The following TMPRSS2 variants were observed in gnomAD, a reference collection of about 807,000 sequenced individuals.
The protein encoded by TMPRSS2 is transmembrane protease serine 2.
A neutral mutation model predicts 67.4 loss-of-function variants in TMPRSS2; 59 were observed. The ratio of observed to expected loss-of-function variants is 0.88; its 90% CI spans 0.71 to 1.09. The LOEUF (loss-of-function observed/expected upper bound fraction) is 1.09. Ranked by LOEUF, TMPRSS2 falls within the 50% of genes least tolerant of loss-of-function variation. The pLI, the probability that TMPRSS2 is intolerant of heterozygous loss-of-function variation, is 0.00. For synonymous variants in TMPRSS2, 257 were observed against 257.0 expected, an observed-to-expected ratio of 1.00 and a Z score of 0.00; for missense variants, 668 against 642.7, an observed-to-expected ratio of 1.04 and a Z score of -0.43.
chr21:41,467,898 A>G lies in TMPRSS2; in HGVS notation c.1315-12T>C. The G allele has an allele frequency of 3.1e-6, 5 of 1,614,118 alleles. No individual in the cohort carries two copies. The highest frequency in any genetic ancestry group is 4.2e-6 in the Non-Finnish European group (5 of 1,179,976). On this transcript the variant is annotated splice_polypyrimidine_tract_variant and intron_variant, in intron 12 of 13. Transcript: ENST00000332149. ...CCTCCACTGTCACCCTGTGGGACAC[A>G]GCAAGGTACAGAGAGCAGAAAATCA...
At chr21:41,480,090 A>G (rs1021647994) in intron 6 of TMPRSS2, among the ~76,000 whole-genome samples, 2 of 151,944 alleles carry the variant, frequency 1.3e-5, no homozygotes, top group African/African-American at 4.8e-5. Context: ...CCCCAGCCCA[A>G]CCCTCCTCGC....
intron 5 of TMPRSS2, chr21:41,486,738 G>A (rs1255138939): frequency 6.6e-6 from 1 of 152,162 alleles, no homozygotes; most frequent in East Asian, 1.9e-4. Flanking sequence ...CTCATACTCA[G>A]GATCGTTTCC....
chr21:41,493,515 G>A (rs2091355061), intron 3 of TMPRSS2, among the ~76,000 whole-genome samples: 1 of 152,314 alleles, frequency 6.6e-6, no homozygotes, highest in Middle Eastern at 3.4e-3. Flanking sequence ...ACATTCTGAC[G>A]AATCTCTAAC....
At chr21:41,476,299 C>G (rs1569014903) in intron 8 of TMPRSS2, among the ~76,000 whole-genome samples, 2 of 152,182 alleles carry the variant, frequency 1.3e-5, no homozygotes, top group Non-Finnish European at 2.9e-5. Context: ...TGCCGGGCCT[C>G]CAGCTCATGG....
chr21:41,467,036 G>A (rs957578055), intron 13 of TMPRSS2, among the ~76,000 whole-genome samples: 11 of 152,098 alleles, frequency 7.2e-5, no homozygotes, highest in African/African-American at 4.8e-5. Flanking sequence ...GGAGCCACTC[G>A]ATGGCCCCAG....
chr21:41,501,972 G>C (rs2091427472), intron 1 of TMPRSS2, among the ~76,000 whole-genome samples: 1 of 152,222 alleles, frequency 6.6e-6, no homozygotes, highest in Admixed American at 6.5e-5. Flanking sequence ...AAGTGTGAAA[G>C]AGCAACAGTG....
At chr21:41,470,438 T>A (rs1219431503) in intron 11 of TMPRSS2, among the ~76,000 whole-genome samples, 1 of 152,202 alleles carries the variant, frequency 6.6e-6, no homozygotes, top group Non-Finnish European at 1.5e-5. Flanking sequence ...CTCTGTGTGA[T>A]CACGATAAGA....
intron 13 of TMPRSS2, among the ~76,000 whole-genome samples, chr21:41,466,652 A>G (rs1177885561): frequency 6.6e-6 from 1 of 152,188 alleles, no homozygotes; most frequent in Non-Finnish European, 1.5e-5. Context: ...GGTCATGGGA[A>G]GGCCCTGAGT....
At chr21:41,495,921 A>AG (rs1006782952) in intron 2 of TMPRSS2, among the ~76,000 whole-genome samples, 1 of 152,166 alleles carries the variant, frequency 6.6e-6, no homozygotes, top group African/African-American at 2.4e-5. Flanking sequence ...AAATTAAAAA[A>AG]AAAAAAAAGT....
At chr21:41,476,820 C>T (rs113506821) in intron 7 of TMPRSS2, among the ~76,000 whole-genome samples, 200 bp from the exon 8 acceptor site, 6,730 of 152,254 alleles carry the variant, frequency 0.044, 198 homozygotes, top group Non-Finnish European at 0.061. Context: ...CCAAGGTACG[C>T]GGCTCACATC....
At chr21:41,501,651 A>G (rs918011229) in intron 1 of TMPRSS2, among the ~76,000 whole-genome samples, 1 of 149,902 alleles carries the variant, frequency 6.7e-6, no homozygotes, top group Non-Finnish European at 1.5e-5. Context: ...CAACAACAAC[A>G]TTCTCCAATT....
intron 1 of TMPRSS2, among the ~76,000 whole-genome samples, chr21:41,505,861 A>T (rs897618929): frequency 3.3e-5 from 5 of 152,256 alleles, no homozygotes; most frequent in African/African-American, 1.2e-4. Context: ...TGTGTCTCCA[A>T]CTCAGAGCCC....
Position 41,476,169 on chromosome 21 carries a change from G to A in TMPRSS2, c.727+408C>T, listed in dbSNP as rs80027429. On this transcript the variant is annotated intron_variant, in intron 8 of 13. Transcript: ENST00000332149. ...CTCCTCCCGGGTCCCACTGGCTGAT[G>A]AGCACCTGGTGGCCACACGGTGGTG... 4.2e-3 allele frequency among the ~76,000 whole-genome samples: 644 copies of A among 152,310 alleles called. 4 individuals are homozygous for A. The highest frequency in any genetic ancestry group is 0.014 in the Middle Eastern group (4 of 294).
chr21:41,494,250 G>T, intron 3 of TMPRSS2, 106 bp downstream of exon 3: 2 of 1,202,746 alleles, frequency 1.7e-6, no homozygotes, highest in South Asian at 1.3e-5. Context: ...AGAAGGGTCA[G>T]ACCAGGAGAG....
chr21:41,467,967 G>C, intron 12 of TMPRSS2, 81 bp from the exon 13 acceptor site: 1 of 1,523,158 alleles, frequency 6.6e-7, no homozygotes, highest in Non-Finnish European at 9.0e-7. Flanking sequence ...TAGAGGAGTT[G>C]GGGGGCGGGG....
chr21:41,505,421 CTCGGATGA>C (rs2091451150), intron 1 of TMPRSS2, among the ~76,000 whole-genome samples: 1 of 152,208 alleles, frequency 6.6e-6, no homozygotes, highest in African/African-American at 2.4e-5. Flanking sequence ...GGACAACACA[CTCGGATGA>C]TGATGATCGT....
intron 5 of TMPRSS2, chr21:41,487,148 C>G (rs931558866): frequency 6.6e-6 from 1 of 152,292 alleles, no homozygotes; most frequent in Non-Finnish European, 1.5e-5. Flanking sequence ...AAGAGTCCAT[C>G]AGTGAATGAA....
At chr21:41,489,619 T>A (rs2146469755) in intron 3 of TMPRSS2, 26 bp from the exon 4 acceptor site, 1 of 1,553,702 alleles carries the variant, frequency 6.4e-7, no homozygotes, top group Middle Eastern at 1.7e-4. Context: ...GAGTGCAACG[T>A]TCAGACCAGA....
intron 1 of TMPRSS2, chr21:41,502,335 G>T (rs2091429958): frequency 1.6e-5 from 16 of 973,746 alleles, no homozygotes; most frequent in Non-Finnish European, 2.0e-5. Context: ...TCCCACCCAA[G>T]ATCCAGGGGT....
Sources: gnomAD v4.1 joint callset for allele counts (sites outside exome capture counted in the v4.1 genomes callset) on GRCh38, gnomAD v4.1.1 for gene constraint, MANE v1.5 for transcripts, NCBI Gene and HGNC (gene_info 2026-07-23, HGNC 2026-07-21) for gene names.